Variants in SLC19A1 observed in about 807,000 individuals in gnomAD.
SLC19A1 encodes the protein reduced folate transporter.
SLC19A1 carries 37 observed loss-of-function variants against 35.3 expected under a neutral mutation model. The observed-to-expected ratio is 1.05, with a 90% CI of 0.81 to 1.38. The LOEUF is 1.38. Ranked by LOEUF, SLC19A1 falls within the 40% of genes most tolerant of loss-of-function variation. The pLI is 0.00. For synonymous variants in SLC19A1, 460 were observed against 398.5 expected (o/e 1.15, Z -1.84); for missense variants, 831 against 826.9 (o/e 1.00, Z -0.06).
upstream of SLC19A1, among the ~76,000 whole-genome samples, chr21:45,549,354 CTG>C (rs1026608795): frequency 2.6e-5 from 4 of 151,982 alleles, no homozygotes; most frequent in African/African-American, 9.7e-5. Flanking sequence ...TGGAATTGTT[CTG>C]TGTCTGATGG....
Position 45,517,799 on chromosome 21 carries a change from CAAG to C in SLC19A1, c.1294-1662_1294-1660del, listed in dbSNP as rs1192513068. ...CTGGACTCCCATCCTTGCCTGGCAACAAGAAGGAGCCCCCACCCAGCCACCCAC... is the reference window on the plus strand; with the variant it reads ...CTGGACTCCCATCCTTGCCTGGCAACAAGGAGCCCCCACCCAGCCACCCAC... On this transcript the variant is annotated intron_variant, in intron 5 of 5. Coordinates refer to ENST00000311124, the MANE Select transcript of SLC19A1 (RefSeq NM_194255.4). This position sits in a 1 kb window ranked among gnomAD's most constrained non-coding sequence, Gnocchi z 4.4. 3.3e-5 allele frequency among the ~76,000 whole-genome samples: 5 copies of C among 152,164 alleles called. No individual in the cohort carries two copies. Among genetic ancestry groups the C allele is most frequent in the African/African-American group, 1.2e-4 (5 of 41,440 alleles).
chr21:45,506,369 G>A (rs113178326), intron 3 of SLC19A1: 4 of 351,854 alleles, frequency 1.1e-5, no homozygotes, highest in Middle Eastern at 1.0e-3. Flanking sequence ...AGGCTGTCCC[G>A]TGGCTCTGCA....
chr21:45,546,468 G>GAATT (rs2078417049), upstream of SLC19A1, among the ~76,000 whole-genome samples: 1 of 152,230 alleles, frequency 6.6e-6, no homozygotes, highest in Non-Finnish European at 1.5e-5. Flanking sequence ...GCCCCGGACA[G>GAATT]CGGCCCTAGC....
At chr21:45,505,412 C>A in intron 3 of SLC19A1, 1 of 1,568,002 alleles carries the variant, frequency 6.4e-7, no homozygotes, top group Non-Finnish European at 8.7e-7. Context: ...CCCCCTGGAA[C>A]CATGGGCGCC....
At position 45,505,329 on chromosome 21, in the gene SLC19A1, G is replaced by A. The variant is rs561093321; in HGVS notation, c.498-6717C>T. On this transcript the variant is annotated intron_variant, in intron 3 of 4. Coordinates refer to the SLC19A1 transcript ENST00000417954. The stretch of plus-strand genomic sequence containing the variant: ...GGCAGAGGCCGCCTCGTGTGGCTTC[G>A]TGTTCCCACCTTGGTTTCTCTCCTG... The A allele has an allele frequency of 2.3e-5, 36 of 1,595,752 alleles. No individual in the cohort carries two copies. In the Middle Eastern group the frequency reaches 1.0e-3, roughly 45 times the overall value.
rs55674958 is a variant in SLC19A1, at chr21:45,506,739, C to T, written c.498-8127G>A. 9.9e-3 allele frequency: 1,279 copies of T among 129,614 alleles called. 7 individuals carry two copies. Among genetic ancestry groups the T allele is most frequent in the Non-Finnish European group, 0.015 (910 of 58,722 alleles). 8.0% of individuals were successfully genotyped at this position (129,614 alleles called of 1,614,324 possible). On this transcript the variant is annotated intron_variant, in intron 3 of 4. Coordinates refer to the SLC19A1 transcript ENST00000417954. ...TCCCACCTTCCAACACACCCACCTT[C>T]CTTCTAGAGCCCTCCCACCTTCCCT...
chr21:45,512,221 C>T, downstream of SLC19A1: 1 of 1,612,508 alleles, frequency 6.2e-7, no homozygotes, highest in Middle Eastern at 1.7e-4. Context: ...GCTCGGACCC[C>T]AACGGGCGCA....
At chr21:45,505,511 C>T in intron 3 of SLC19A1, 1 of 782,790 alleles carries the variant, frequency 1.3e-6, no homozygotes. Flanking sequence ...CAGAGACACT[C>T]TCCCACGGAC....
Position 45,515,859 on chromosome 21 carries a change from C to CAGGT in SLC19A1, c.1571_1574dup (p.Ala526ProfsTer11). On this transcript the variant is annotated frameshift_variant, in exon 6 of 6. Coordinates refer to ENST00000311124, the MANE Select transcript of SLC19A1 (RefSeq NM_194255.4). LOFTEE classifies it low-confidence loss of function (END_TRUNC). ...CTGCCTGCGGGGCCGGGGCCTGGGC[C>CAGGT]AGGTATGGGTCGCTCTGTCTCTGCT... 6.3e-7 allele frequency: 1 copy of CAGGT among 1,593,830 alleles called. No individual in the cohort carries two copies. The highest frequency in any genetic ancestry group is 8.6e-7 in the Non-Finnish European group (1 of 1,169,128).
rs2037774829 is a variant in SLC19A1, at chr21:45,514,298, C to G, written c.*1360G>C. The G allele has an allele frequency of 6.6e-6, 1 of 152,068 alleles. No individual in the cohort carries two copies. Among genetic ancestry groups the G allele is most frequent in the East Asian group, 1.9e-4 (1 of 5,174 alleles). The allele number at this position is 152,068 out of a possible 1,614,324, so 9.4% of individuals were successfully genotyped here. A position where few individuals can be genotyped will look rare whatever the true frequency, so the allele number is the denominator to read the frequency against. ...GGTCCCCAGGGTGGCCATGACAGAGCCCCTGGATGCACCTGGGACCATGGC... is the reference window on the plus strand; with the variant it reads ...GGTCCCCAGGGTGGCCATGACAGAGGCCCTGGATGCACCTGGGACCATGGC... On this transcript the variant is annotated 3_prime_UTR_variant, in exon 6 of 6. Transcript: ENST00000311124.
intron 4 of SLC19A1, among the ~76,000 whole-genome samples, chr21:45,529,175 G>A (rs1296579597): frequency 1.3e-5 from 2 of 152,254 alleles, no homozygotes; most frequent in Non-Finnish European, 2.9e-5. Flanking sequence ...GAGTATGGCA[G>A]GGGCGGGAGA....
At chr21:45,547,136 A>G (rs1222421781), upstream of SLC19A1, among the ~76,000 whole-genome samples, 3 of 152,278 alleles carry the variant, frequency 2.0e-5, no homozygotes, top group South Asian at 2.1e-4. Flanking sequence ...TACAACGCCA[A>G]TGAAAATCAG....
rs1248757427 is a variant in SLC19A1 at position 45,534,912 on chromosome 21, G to T, written c.190-2764C>A. Reference sequence around the variant, plus strand: ...CCAGCGTCGGCCCTGCTCTCCACAGGTCTTGGTTGGGGTCCAGGCTGAATG... The same window carrying T: ...CCAGCGTCGGCCCTGCTCTCCACAGTTCTTGGTTGGGGTCCAGGCTGAATG... On this transcript the variant is annotated intron_variant, in intron 2 of 5. Coordinates refer to ENST00000311124, the MANE Select transcript of SLC19A1 (RefSeq NM_194255.4). This position sits in a 1 kb window ranked among gnomAD's most constrained non-coding sequence, Gnocchi z 4.2. Among the ~76,000 whole-genome samples the T allele has an allele frequency of 2.0e-5, 3 of 152,282 alleles. No individual in the cohort carries two copies. The highest frequency in any genetic ancestry group is 4.4e-5 in the Non-Finnish European group (3 of 68,050).
intron 5 of SLC19A1, among the ~76,000 whole-genome samples, chr21:45,520,258 TC>T (rs952892412): frequency 3.3e-5 from 5 of 151,608 alleles, no homozygotes; most frequent in Admixed American, 3.3e-4. Context: ...ATATCTCACC[TC>T]AAGAACCTAG....
At position 45,515,945 on chromosome 21, in the gene SLC19A1, C is replaced by T; in HGVS notation, c.1489G>A (p.Ala497Thr). The stretch of plus-strand genomic sequence containing the variant: ...TCTGGGGAAAGCGGCGGGCTCTGGG[C>T]TGGCTGCAGGCCTCCGAGGCCCTTG... ...QDKGLGGLQP[A>T]QSPPLSPEDS... is the part of the protein sequence containing the mutation. The change falls in exon 6 of 6, where the codon GCC becomes ACC. Residue 497 changes from alanine (A) to threonine (T), a missense_variant. Physicochemically the swap from Ala to Thr is moderately conservative, Grantham distance 58 (BLOSUM62 0). Coordinates refer to ENST00000311124, the MANE Select transcript of SLC19A1 (RefSeq NM_194255.4). 6.5e-7 allele frequency: 1 copy of T among 1,538,738 alleles called. No individual in the cohort carries two copies. The highest frequency in any genetic ancestry group is 8.8e-7 in the Non-Finnish European group (1 of 1,142,262).
In SLC19A1 at chr21:45,537,844, G is replaced by GC; in HGVS notation, c.115dup (p.Ala39GlyfsTer355). 1 of 1,607,978 alleles carries GC rather than the reference G, an allele frequency of 6.2e-7. No individual in the cohort carries two copies. Among genetic ancestry groups the GC allele is most frequent in the Non-Finnish European group, 8.5e-7 (1 of 1,178,510 alleles). ...GAAGCTCTCCCCTGGCCGTATCTGCGCCATGAAGCCGTAGAAGCAAAGGTA... is the reference window on the plus strand; with the variant it reads ...GAAGCTCTCCCCTGGCCGTATCTGCGCCCATGAAGCCGTAGAAGCAAAGGTA... On this transcript the variant is annotated frameshift_variant, in exon 2 of 6. Transcript: ENST00000311124. LOFTEE classifies it high-confidence loss of function.
upstream of SLC19A1, among the ~76,000 whole-genome samples, chr21:45,546,308 G>A (rs979411576): frequency 3.3e-5 from 5 of 152,240 alleles, no homozygotes; most frequent in East Asian, 1.9e-4. Flanking sequence ...CCTGGCTTCC[G>A]CATCCCCCAA....
intron 1 of SLC19A1, among the ~76,000 whole-genome samples, chr21:45,556,322 T>C (rs1055343): frequency 0.39 from 59,517 of 151,984 alleles, 12,157 homozygotes; most frequent in African/African-American, 0.51. Flanking sequence ...GCTCAAGCCC[T>C]GGCGGCAGGG....
chr21:45,503,942 G>A (rs1033345265), intron 3 of SLC19A1: 3 of 1,576,982 alleles, frequency 1.9e-6, no homozygotes, highest in Non-Finnish European at 2.6e-6. Context: ...CCAGTGCTGG[G>A]GGCTGCAGAG....
Sources: allele counts gnomAD v4.1 joint callset (sites outside exome capture counted in the v4.1 genomes callset), GRCh38; gene constraint gnomAD v4.1.1; non-coding constraint Gnocchi (gnomAD v3.1); transcripts MANE v1.5; gene names NCBI Gene and HGNC (gene_info 2026-07-23, HGNC 2026-07-21).